SAMD5: variants seen among roughly 807,000 people sequenced by gnomAD.
The protein encoded by SAMD5 is sterile alpha motif domain-containing protein 5.
In SAMD5, 13 loss-of-function variants were observed where a neutral mutation model predicts 11.3. The observed-to-expected ratio is 1.15, with a 90% CI of 0.75 to 1.83. The LOEUF is 1.83. SAMD5 is among the 40% of genes most tolerant of loss of function. SAMD5 has a pLI of 0.00. For missense variants in SAMD5, 255 were observed against 239.1 expected (o/e 1.07, Z -0.44); for synonymous variants, 129 against 111.3 (o/e 1.16, Z -1.00).
intron 1 of SAMD5, chr6:147,675,942 C>T (rs1369057832): frequency 6.6e-6 from 1 of 152,024 alleles, no homozygotes; most frequent in Non-Finnish European, 1.5e-5. Context: ...TGGAGAATAC[C>T]AAGAATTTAG....
the SAMD5 span, among the ~76,000 whole-genome samples, chr6:147,860,556 C>T: frequency 6.6e-6 from 1 of 152,308 alleles, no homozygotes; most frequent in South Asian, 2.1e-4. Flanking sequence ...TAAAATCCAC[C>T]TGTGCATCTT....
chr6:147,909,624 CTTTCT>C, the SAMD5 span, among the ~76,000 whole-genome samples: 1 of 68,902 alleles, frequency 1.5e-5, no homozygotes, highest in Admixed American at 1.5e-4. Flanking sequence ...TTCTTTCTTT[CTTTCT>C]TTCTCTTTCT....
At chr6:147,938,172 A>G in the SAMD5 span, among the ~76,000 whole-genome samples, 2 of 152,232 alleles carry the variant, frequency 1.3e-5, no homozygotes, top group African/African-American at 2.4e-5. Context: ...TGAGTCAGTT[A>G]TATTCATCAC....
At chr6:147,516,087 A>G (rs1788166825) in intron 1 of SAMD5, among the ~76,000 whole-genome samples, 1 of 152,160 alleles carries the variant, frequency 6.6e-6, no homozygotes, top group African/African-American at 2.4e-5. Context: ...GCTGGGCTAG[A>G]TGGCTGACCA....
At chr6:147,917,979 AG>A in the SAMD5 span, among the ~76,000 whole-genome samples, 2 of 152,290 alleles carry the variant, frequency 1.3e-5, no homozygotes, top group South Asian at 4.2e-4. Context: ...TATAGTTTGA[AG>A]TCAGGTAGCG....
At chr6:147,646,408 C>T (rs535174312) in intron 1 of SAMD5, among the ~76,000 whole-genome samples, 13 of 151,168 alleles carry the variant, frequency 8.6e-5, no homozygotes, top group African/African-American at 1.2e-4. Context: ...TTGACCTGTT[C>T]GGTTTCCACT....
chr6:147,845,338 G>A, the SAMD5 span, among the ~76,000 whole-genome samples: 1 of 152,060 alleles, frequency 6.6e-6, no homozygotes, highest in African/African-American at 2.4e-5. Context: ...CCTAGGCCTA[G>A]GTGAAGAGTT....
the SAMD5 span, among the ~76,000 whole-genome samples, chr6:147,945,252 A>G: frequency 9.2e-5 from 14 of 152,182 alleles, no homozygotes; most frequent in African/African-American, 3.4e-4. Context: ...CATCTTCCAC[A>G]CATGCCAAGT....
chr6:147,805,127 C>T, the SAMD5 span, among the ~76,000 whole-genome samples: 4 of 152,190 alleles, frequency 2.6e-5, no homozygotes, highest in African/African-American at 9.7e-5. Flanking sequence ...AAAGGAGAAT[C>T]AGTTGTATGT....
In SAMD5 at chr6:147,640,124, G is replaced by A. The variant is rs189780369; in HGVS notation, c.163-97193G>A. Reference sequence around the variant, plus strand: ...GGGCAGATCACGAGGTAAAGAGATCGCGACCATCCTGGCCAACATGGTGAA... The same window carrying A: ...GGGCAGATCACGAGGTAAAGAGATCACGACCATCCTGGCCAACATGGTGAA... On this transcript the variant is annotated intron_variant, in intron 1 of 1. Coordinates refer to the SAMD5 transcript ENST00000566741. Among the ~76,000 whole-genome samples the A allele has an allele frequency of 1.5e-3, 231 of 151,936 alleles. 3 individuals carry two copies. The highest frequency in any genetic ancestry group is 7.2e-4 in the Admixed American group (11 of 15,258).
chr6:147,519,834 G>A (rs915337610), intron 1 of SAMD5, among the ~76,000 whole-genome samples: 3 of 152,142 alleles, frequency 2.0e-5, no homozygotes, highest in Admixed American at 6.5e-5. Flanking sequence ...AATTAGCATC[G>A]AGGCCAACAA....
chr6:147,817,326 G>A, the SAMD5 span, among the ~76,000 whole-genome samples: 2 of 152,184 alleles, frequency 1.3e-5, no homozygotes, highest in East Asian at 3.9e-4. Flanking sequence ...TTCATTTCAG[G>A]CTCAAGCAAG....
chr6:147,630,658 T>C (rs1015822976), intron 1 of SAMD5, among the ~76,000 whole-genome samples: 8 of 152,064 alleles, frequency 5.3e-5, no homozygotes, highest in South Asian at 2.1e-4. Context: ...TGACCCTCTT[T>C]TCTGACTCAG....
At chr6:147,898,179 C>T in the SAMD5 span, among the ~76,000 whole-genome samples, 1 of 152,000 alleles carries the variant, frequency 6.6e-6, no homozygotes, top group East Asian at 1.9e-4. Flanking sequence ...GGCTTATATG[C>T]TAGCTTACCG....
the SAMD5 span, among the ~76,000 whole-genome samples, chr6:147,755,898 T>C: frequency 6.6e-6 from 1 of 152,140 alleles, no homozygotes; most frequent in Non-Finnish European, 1.5e-5. Flanking sequence ...ACTTCTAAAA[T>C]AACATTGAAC....
At chr6:147,874,357 T>C in the SAMD5 span, among the ~76,000 whole-genome samples, 4 of 152,188 alleles carry the variant, frequency 2.6e-5, no homozygotes, top group Non-Finnish European at 4.4e-5. Flanking sequence ...ATTAGGTAAT[T>C]CCTATTATTG....
At chr6:147,825,966 T>C in the SAMD5 span, among the ~76,000 whole-genome samples, 4 of 152,240 alleles carry the variant, frequency 2.6e-5, no homozygotes, top group Non-Finnish European at 5.9e-5. Flanking sequence ...GGTAATAATA[T>C]GTATTGGCAC....
the SAMD5 span, among the ~76,000 whole-genome samples, chr6:147,834,756 A>G: frequency 6.6e-6 from 1 of 152,310 alleles, no homozygotes; most frequent in African/African-American, 2.4e-5. Flanking sequence ...GAACACTTGC[A>G]CTATCTCACC....
At chr6:147,676,116 A>G (rs1790859110) in intron 1 of SAMD5, 1 of 152,098 alleles carries the variant, frequency 6.6e-6, no homozygotes, top group Non-Finnish European at 1.5e-5. Context: ...GTCATCTGAA[A>G]ATGGGAAATG....
Sources: allele counts gnomAD v4.1 joint callset (sites outside exome capture counted in the v4.1 genomes callset), GRCh38; gene constraint gnomAD v4.1.1; transcripts MANE v1.5; gene names NCBI Gene and HGNC (gene_info 2026-07-23, HGNC 2026-07-21).